Variants in SLC10A7 observed in about 807,000 individuals in gnomAD.
SLC10A7 encodes the protein solute carrier family 10 member 7, also known as sodium/bile acid cotransporter 7.
A neutral mutation model predicts 43.2 loss-of-function variants in SLC10A7; 29 were observed. The ratio of observed to expected loss-of-function variants is 0.67; its 90% CI spans 0.50 to 0.92. SLC10A7 has a LOEUF of 0.92. SLC10A7 is among the 40% of genes least tolerant of loss of function. SLC10A7 has a pLI of 0.00. For missense variants in SLC10A7, 295 were observed against 403.2 expected (o/e 0.73, Z 2.30); for synonymous variants, 152 against 144.8 (o/e 1.05, Z -0.35).
chr4:146,520,409 A>G (rs940595888), intron 1 of SLC10A7, among the ~76,000 whole-genome samples: 3 of 152,242 alleles, frequency 2.0e-5, no homozygotes, highest in Non-Finnish European at 4.4e-5. Flanking sequence ...TCACAGTTAC[A>G]TATTCTACAC....
At chr4:146,419,160 G>C (rs1728782918) in intron 5 of SLC10A7, among the ~76,000 whole-genome samples, 1 of 152,128 alleles carries the variant, frequency 6.6e-6, no homozygotes, top group African/African-American at 2.4e-5. Flanking sequence ...CATTATGTAG[G>C]TATGATTGAT....
In SLC10A7 at chr4:146,280,014, T is replaced by C. The variant is rs111492749; in HGVS notation, c.847+3178A>G. On this transcript the variant is annotated intron_variant, in intron 10 of 11. Coordinates refer to ENST00000335472, the MANE Select transcript of SLC10A7 (RefSeq NM_001029998.6). ...ATCGAAGGTGTATATAAGAGAATAC[T>C]CAGAAAGCTTCTCAAGCAAGAGTTT... 6.6e-3 allele frequency among the ~76,000 whole-genome samples: 999 copies of C among 152,230 alleles called. 14 individuals carry two copies. Among genetic ancestry groups the C allele is most frequent in the African/African-American group, 0.022 (931 of 41,530 alleles).
rs76819963 is a variant in SLC10A7, at chr4:146,275,110, T to A, written c.847+8082A>T. Among the ~76,000 whole-genome samples the A allele has an allele frequency of 5.4e-3, 827 of 152,332 alleles. 4 individuals are homozygous for A. The highest frequency in any genetic ancestry group is 0.02 in the East Asian group (102 of 5,186). Reference sequence around the variant, plus strand: ...GCATGATACCCTCTTTTGAAATATGTTACATGTGTCGGACATCAGGGTTTT... The same window carrying A: ...GCATGATACCCTCTTTTGAAATATGATACATGTGTCGGACATCAGGGTTTT... On this transcript the variant is annotated intron_variant, in intron 10 of 11. Coordinates refer to ENST00000335472, the MANE Select transcript of SLC10A7 (RefSeq NM_001029998.6).
At chr4:146,370,145 A>C (rs930895081) in intron 5 of SLC10A7, among the ~76,000 whole-genome samples, 3 of 152,206 alleles carry the variant, frequency 2.0e-5, no homozygotes, top group Non-Finnish European at 4.4e-5. Flanking sequence ...CTAGTCAGTC[A>C]AATTAACACA....
chr4:146,389,176 AAG>A (rs1738235643), intron 5 of SLC10A7, among the ~76,000 whole-genome samples: 1 of 152,158 alleles, frequency 6.6e-6, no homozygotes, highest in African/African-American at 2.4e-5. Flanking sequence ...AGAAGAGTGG[AAG>A]GAGGGTGAGG....
At chr4:146,445,609 A>G (rs982645451) in intron 4 of SLC10A7, among the ~76,000 whole-genome samples, 1 of 152,142 alleles carries the variant, frequency 6.6e-6, no homozygotes, top group African/African-American at 2.4e-5. Context: ...TCAGGGTGAC[A>G]GCCTTTTACA....
intron 9 of SLC10A7, among the ~76,000 whole-genome samples, chr4:146,287,202 G>C (rs1324628237): frequency 3.9e-5 from 6 of 152,098 alleles, no homozygotes; most frequent in Admixed American, 3.9e-4. Context: ...GAACGACTGA[G>C]TTTGGACTGG....
intron 1 of SLC10A7, among the ~76,000 whole-genome samples, chr4:146,520,144 C>T (rs1196745402): frequency 1.3e-5 from 2 of 152,200 alleles, no homozygotes; most frequent in African/African-American, 4.8e-5. Flanking sequence ...GATCATACAT[C>T]CTCTGTAATT....
At chr4:146,320,414 A>T (rs1283795164) in intron 6 of SLC10A7, among the ~76,000 whole-genome samples, 1 of 151,990 alleles carries the variant, frequency 6.6e-6, no homozygotes, top group African/African-American at 2.4e-5. Context: ...TAGGGTGGGT[A>T]TAGTTAGATG....
intron 10 of SLC10A7, among the ~76,000 whole-genome samples, chr4:146,274,693 T>C (rs1729099190): frequency 6.6e-6 from 1 of 152,150 alleles, no homozygotes; most frequent in Non-Finnish European, 1.5e-5. Flanking sequence ...ATATCATATA[T>C]TGAAACCATG....
At chr4:146,317,329 C>T (rs1732395901) in intron 6 of SLC10A7, among the ~76,000 whole-genome samples, 1 of 152,008 alleles carries the variant, frequency 6.6e-6, no homozygotes. Flanking sequence ...CTGCCAGGCA[C>T]TATTTTGGGT....
chr4:146,377,599 T>C (rs1199164970), intron 5 of SLC10A7, among the ~76,000 whole-genome samples: 1 of 152,096 alleles, frequency 6.6e-6, no homozygotes, highest in Non-Finnish European at 1.5e-5. Context: ...TTGCAAAGGG[T>C]TGTTCAGGGA....
intron 2 of SLC10A7, chr4:146,514,464 C>A (rs1420103675): frequency 6.6e-6 from 1 of 152,138 alleles, no homozygotes; most frequent in East Asian, 1.9e-4. Flanking sequence ...TTCAATACAA[C>A]AAAATTTCAA....
chr4:146,472,436 G>GTTTTTTTTT (rs5862760), intron 4 of SLC10A7, among the ~76,000 whole-genome samples: 3 of 128,942 alleles, frequency 2.3e-5, no homozygotes, highest in Non-Finnish European at 3.3e-5. Context: ...GGCTTATTCT[G>GTTTTTTTTT]TTTTTTTTTT....
At chr4:146,455,227 G>T (rs559750718) in intron 4 of SLC10A7, among the ~76,000 whole-genome samples, 1 of 151,940 alleles carries the variant, frequency 6.6e-6, no homozygotes, top group African/African-American at 2.4e-5. Context: ...AAGATCAATG[G>T]TATCAAAGAG....
intron 5 of SLC10A7, among the ~76,000 whole-genome samples, chr4:146,350,793 G>T (rs1398970049): frequency 9.3e-6 from 1 of 107,510 alleles, no homozygotes; most frequent in South Asian, 3.9e-4. Flanking sequence ...ACACGGCAGG[G>T]TATTCCAACA....
chr4:146,462,987 G>A (rs962827622), intron 4 of SLC10A7, among the ~76,000 whole-genome samples: 22 of 152,156 alleles, frequency 1.4e-4, no homozygotes, highest in African/African-American at 5.1e-4. Context: ...AAAGCTTAAA[G>A]GTCTTGTCCC....
At chr4:146,284,303 G>T (rs1179354600) in intron 9 of SLC10A7, among the ~76,000 whole-genome samples, 2 of 152,018 alleles carry the variant, frequency 1.3e-5, no homozygotes, top group African/African-American at 4.8e-5. Context: ...GATTTTTAAG[G>T]CTCCCTAATG....
At chr4:146,318,813 T>C (rs916090704) in intron 6 of SLC10A7, among the ~76,000 whole-genome samples, 3 of 67,842 alleles carry the variant, frequency 4.4e-5, no homozygotes, top group African/African-American at 8.3e-5. Context: ...ATGGCAACTC[T>C]ACACTTCCAG....
Sources: gnomAD v4.1 joint callset for allele counts (sites outside exome capture counted in the v4.1 genomes callset) on GRCh38, gnomAD v4.1.1 for gene constraint, MANE v1.5 for transcripts, NCBI Gene and HGNC (gene_info 2026-07-23, HGNC 2026-07-21) for gene names.